CNOT10: variants seen among roughly 807,000 people sequenced by gnomAD.
CNOT10 encodes the protein CCR4-NOT transcription complex, subunit 10.
In CNOT10, 30 loss-of-function variants were observed where a neutral mutation model predicts 94.6. That is an observed-to-expected ratio of 0.32 (90% CI 0.24 to 0.43). The LOEUF (loss-of-function observed/expected upper bound fraction) is 0.43. Among genes scored for constraint, CNOT10 ranks in the 20% least tolerant of loss-of-function variants. The pLI, the probability that CNOT10 is intolerant of heterozygous loss-of-function variation, is 1.00. For missense variants in CNOT10, 759 were observed against 877.2 expected (o/e 0.87, Z 1.70); for synonymous variants, 289 against 301.6 (o/e 0.96, Z 0.43).
At chr3:32,703,078 A>ATTTTTTTTTTTTT (rs67920905) in intron 1 of CNOT10, among the ~76,000 whole-genome samples, 1 of 124,254 alleles carries the variant, frequency 8.0e-6, no homozygotes. Context: ...CGCCAAGCTA[A>ATTTTTTTTTTTTT]TTTTTTTTTT....
At position 32,764,323 on chromosome 3, in the gene CNOT10, C is replaced by T. The variant is rs1417265966; in HGVS notation, c.1841-132C>T. On this transcript the variant is annotated intron_variant, in intron 15 of 18. Coordinates refer to ENST00000328834, the MANE Select transcript of CNOT10 (RefSeq NM_015442.3). The stretch of plus-strand genomic sequence containing the variant: ...CTGCACTCCAGCCTGGGCAACAGAG[C>T]GAGGCTCCATCTCAAAAAAAAAAAA... 28 of 842,124 alleles carry T rather than the reference C, an allele frequency of 3.3e-5. No individual in the cohort carries two copies. The African/African-American group carries it at 3.5e-4, about 11-fold the overall frequency. 52.2% of individuals were successfully genotyped at this position (842,124 alleles called of 1,614,324 possible).
chr3:32,762,206 G>A (rs577905890), intron 14 of CNOT10, among the ~76,000 whole-genome samples: 2 of 147,054 alleles, frequency 1.4e-5, no homozygotes, highest in South Asian at 2.3e-4. Context: ...GCTCACGCCT[G>A]TAATACCAAC....
chr3:32,730,003 C>T (rs1309761733), intron 10 of CNOT10, among the ~76,000 whole-genome samples: 7 of 151,746 alleles, frequency 4.6e-5, no homozygotes, highest in African/African-American at 1.2e-4. Context: ...CTCCTGACCT[C>T]GTGATCCGCC....
intron 14 of CNOT10, among the ~76,000 whole-genome samples, chr3:32,761,080 G>A (rs745861261): frequency 2.6e-5 from 4 of 152,156 alleles, no homozygotes; most frequent in Non-Finnish European, 4.4e-5. Flanking sequence ...AGTGAGCCAA[G>A]ATTGTACCAC....
chr3:32,747,727 A>T (rs1293066977), intron 13 of CNOT10, among the ~76,000 whole-genome samples: 1 of 152,108 alleles, frequency 6.6e-6, no homozygotes, highest in East Asian at 1.9e-4. Context: ...AGACGGGCAG[A>T]TCACGAGGTC....
chr3:32,705,380 G>T (rs1238342508), intron 3 of CNOT10, among the ~76,000 whole-genome samples: 1 of 152,126 alleles, frequency 6.6e-6, no homozygotes, highest in Non-Finnish European at 1.5e-5. Flanking sequence ...ATCTGGCTTG[G>T]GGCTTGAATT....
chr3:32,753,217 A>G, intron 13 of CNOT10: 2 of 714,410 alleles, frequency 2.8e-6, no homozygotes, highest in Non-Finnish European at 5.2e-6. Context: ...TTTTTACAGA[A>G]GGACAAAAAT....
In CNOT10 at chr3:32,762,769, C is replaced by A; in HGVS notation, c.1746C>A (p.Ile582=). 3.8e-6 allele frequency: 6 copies of A among 1,591,138 alleles called. No homozygotes were observed. Among genetic ancestry groups the A allele is most frequent in the Non-Finnish European group, 5.1e-6 (6 of 1,174,344 alleles). Residue 582 remains isoleucine (I), a synonymous_variant, in exon 15 of 19, where the codon ATC becomes ATA. Transcript: ENST00000328834. ...LGHLYAAEAL[I]SLDRISDAIT... is the part of the protein sequence containing the mutation. ...ATTTATATGCTGCAGAAGCCCTCAT[C>A]TCTCTCGACAGAATATCTGATGCCA... is the stretch of plus-strand genomic sequence containing the variant.
intron 8 of CNOT10, among the ~76,000 whole-genome samples, chr3:32,720,480 CT>C (rs1698320947): frequency 6.6e-6 from 1 of 151,806 alleles, no homozygotes; most frequent in South Asian, 2.1e-4. Flanking sequence ...CTTTCCTCCC[CT>C]CCCCCACCTT....
chr3:32,693,063 A>C (rs530348204), intron 1 of CNOT10, among the ~76,000 whole-genome samples: 15 of 152,272 alleles, frequency 9.9e-5, no homozygotes, highest in African/African-American at 3.6e-4. Flanking sequence ...AACAAAAAAG[A>C]ATAGCTTTCC....
In CNOT10 at chr3:32,720,122, C is replaced by G; in HGVS notation, c.753C>G (p.Pro251=). The part of the protein sequence containing the change: ...SVMNTAGNSA[P]SLFLKSNFEY... ...TTATATTTTCTCTACAGTCCGCACC[C>G]TCTCTCTTTCTTAAAAGCAATTTTG... Residue 251 remains proline, a synonymous_variant, in exon 8 of 19, where the codon CCC becomes CCG. Transcript: ENST00000328834. The G allele has an allele frequency of 6.6e-7, 1 of 1,511,258 alleles. No homozygotes were observed. Among genetic ancestry groups the G allele is most frequent in the Non-Finnish European group, 9.0e-7 (1 of 1,105,538 alleles). 93.6% of individuals were successfully genotyped at this position (1,511,258 alleles called of 1,614,324 possible). A position where few individuals can be genotyped will look rare whatever the true frequency, so the allele number is the denominator to read the frequency against.
At chr3:32,693,220 T>G (rs1320899955) in intron 1 of CNOT10, among the ~76,000 whole-genome samples, 2 of 152,112 alleles carry the variant, frequency 1.3e-5, no homozygotes, top group African/African-American at 4.8e-5. Context: ...TTTTTTAAAT[T>G]TAATTAATTT....
rs1156834736 is a variant in CNOT10, at chr3:32,737,456, TC to T, written c.1562del (p.Ser521PhefsTer3). 1.9e-6 allele frequency: 3 copies of T among 1,611,896 alleles called. No homozygotes were observed. Among genetic ancestry groups the T allele is most frequent in the Non-Finnish European group, 2.5e-6 (3 of 1,178,214 alleles). On this transcript the variant is annotated frameshift_variant, in exon 13 of 19. Transcript: ENST00000328834. LOFTEE classifies it high-confidence loss of function. ...GDKFIPAPPS[S>X]PLRKQELENL... is the part of the protein sequence containing the mutation. ...TAAATTCATTCCAGCTCCACCTTCT[TC>T]TCCATTGAGAAAACAGGAATTAGAA...
chr3:32,689,631 C>G (rs1216965143), intron 1 of CNOT10, among the ~76,000 whole-genome samples: 1 of 152,140 alleles, frequency 6.6e-6, no homozygotes, highest in Non-Finnish European at 1.5e-5. Context: ...TAGTTGTGTT[C>G]TAGCTCTAGT....
At chr3:32,708,484 G>A (rs145247609) in intron 3 of CNOT10, among the ~76,000 whole-genome samples, 186 bp from the exon 4 acceptor site, 169 of 152,188 alleles carry the variant, frequency 1.1e-3, no homozygotes, top group African/African-American at 3.9e-3. Context: ...TATTATGTGT[G>A]GCACAGAAGA....
At chr3:32,717,697 C>T (rs749931086) in intron 7 of CNOT10, among the ~76,000 whole-genome samples, 2 of 152,026 alleles carry the variant, frequency 1.3e-5, no homozygotes, top group Non-Finnish European at 2.9e-5. Flanking sequence ...GAGACCCTGT[C>T]TCTACTAAAA....
chr3:32,707,261 T>A (rs990843980), intron 3 of CNOT10, among the ~76,000 whole-genome samples: 4 of 152,078 alleles, frequency 2.6e-5, no homozygotes, highest in African/African-American at 9.7e-5. Flanking sequence ...AGTTTGAGAA[T>A]GCAAAGTGTC....
Position 32,765,995 on chromosome 3 carries a change from T to C in CNOT10, c.2004+1186T>C, listed in dbSNP as rs1230428431. 3.0e-4 allele frequency among the ~76,000 whole-genome samples: 12 copies of C among 40,270 alleles called. 4 individuals are homozygous for C. The highest frequency in any genetic ancestry group is 1.1e-3 in the African/African-American group (12 of 11,336). The allele number at this position is 40,270 out of a possible 152,430, so 26.4% of individuals were successfully genotyped here. A position where few individuals can be genotyped will look rare whatever the true frequency, so the allele number is the denominator to read the frequency against. ...GGAGACTTTTCACTGTATACTGTTA[T>C]GCTTTTAATTTTTTTTTTTTTTTTT... On this transcript the variant is annotated intron_variant, in intron 17 of 18. Coordinates refer to ENST00000328834, the MANE Select transcript of CNOT10 (RefSeq NM_015442.3).
chr3:32,710,439 A>G (rs967178911), intron 4 of CNOT10, among the ~76,000 whole-genome samples: 5 of 151,922 alleles, frequency 3.3e-5, no homozygotes, highest in African/African-American at 1.2e-4. Context: ...CAATCCCTCA[A>G]CAGTGTGGTG....
Sources: allele counts gnomAD v4.1 joint callset (sites outside exome capture counted in the v4.1 genomes callset), GRCh38; gene constraint gnomAD v4.1.1; transcripts MANE v1.5; gene names NCBI Gene and HGNC (gene_info 2026-07-23, HGNC 2026-07-21).